GPR35: variants seen among roughly 807,000 people sequenced by gnomAD.
GPR35 encodes G protein-coupled receptor 35.
For synonymous variants in GPR35, 207 were observed against 198.4 expected, an observed-to-expected ratio of 1.04 and a Z score of -0.36; for missense variants, 372 against 422.5, an observed-to-expected ratio of 0.88 and a Z score of 1.05.
rs755464537 is a variant in GPR35, at chr2:240,630,822, C to T, written c.870C>T (p.Ala290=). The change falls in exon 2 of 2, where the codon GCC becomes GCT. Residue 290 remains alanine, a synonymous_variant. Coordinates refer to ENST00000407714, the MANE Select transcript of GPR35 (RefSeq NM_005301.5). ...AGTTCCAGGAGGCGTCTGCACTGGC[C>T]GTGGCTCCCAGTGCTAAGGCCCACA... ...AKEFQEASAL[A]VAPSAKAHKS... is the part of the protein sequence containing the mutation. 4.0e-5 allele frequency: 65 copies of T among 1,613,082 alleles called. No individual in the cohort carries two copies. The Middle Eastern group carries it at 8.2e-4, about 20-fold the overall frequency.
At chr2:240,621,938 T>C (rs535815271), upstream of GPR35, among the ~76,000 whole-genome samples, 1 of 152,318 alleles carries the variant, frequency 6.6e-6, no homozygotes, top group East Asian at 1.9e-4. Context: ...AGTAGCACGA[T>C]CTCAGCTCAT....
At chr2:240,629,830 G>A (rs2043418590) in intron 1 of GPR35, 119 bp from the exon 2 acceptor site, 3 of 804,552 alleles carry the variant, frequency 3.7e-6, no homozygotes, top group Non-Finnish European at 6.0e-6. Context: ...TGTGTTTGTG[G>A]GTGTGGGGTC....
chr2:240,618,968 C>G, exon 5 of GPR35: 1 of 702,824 alleles, frequency 1.4e-6, no homozygotes, highest in Non-Finnish European at 2.6e-6. Context: ...CGGGCTGTCC[C>G]CACTCCACAC....
upstream of GPR35, among the ~76,000 whole-genome samples, chr2:240,623,443 C>CAAACAGGTCGTGAGGGT (rs2043328968): frequency 5.8e-5 from 2 of 34,248 alleles, 1 homozygote; most frequent in Non-Finnish European, 1.4e-4. Flanking sequence ...GTCGTGAGGG[C>CAAACAGGTCGTGAGGGT]GCAAACAGGT....
upstream of GPR35, among the ~76,000 whole-genome samples, chr2:240,621,108 C>G (rs572416845): frequency 1.3e-5 from 2 of 152,340 alleles, no homozygotes; most frequent in Admixed American, 1.3e-4. Context: ...GGGTCCACAA[C>G]TGAGCCCCCA....
At chr2:240,619,953 G>C in intron 5 of GPR35, among the ~76,000 whole-genome samples, 1 of 152,210 alleles carries the variant, frequency 6.6e-6, no homozygotes, top group East Asian at 1.9e-4. Flanking sequence ...AGAAGGGAGG[G>C]CCCTAGGGAT....
chr2:240,610,995 T>C (rs1375694391), intron 2 of GPR35, among the ~76,000 whole-genome samples: 1 of 152,044 alleles, frequency 6.6e-6, no homozygotes, highest in Non-Finnish European at 1.5e-5. Flanking sequence ...TGCAGTGGCA[T>C]GAACTCTGCT....
At position 240,633,079 on chromosome 2, in the gene GPR35, T is replaced by G. The variant is rs2043466893; in HGVS notation, c.*2197T>G. Among the ~76,000 whole-genome samples the G allele has an allele frequency of 6.6e-6, 1 of 152,212 alleles. No individual in the cohort carries two copies. ...AAGGTTCCTTGCTTCCCCTTCACCT[T>G]CTGCCATGATTGTAAGTTTCCTGAG... On this transcript the variant is annotated 3_prime_UTR_variant, in exon 2 of 2. Transcript: ENST00000407714.
chr2:240,608,115 C>T (rs2043154561), intron 2 of GPR35, among the ~76,000 whole-genome samples: 1 of 152,166 alleles, frequency 6.6e-6, no homozygotes, highest in African/African-American at 2.4e-5. Flanking sequence ...TGGTCTTGAA[C>T]TCCTATCTTC....
rs1575472357 is a variant in GPR35 at position 240,633,142 on chromosome 2, C to T, written c.*2260C>T. On this transcript the variant is annotated 3_prime_UTR_variant, in exon 2 of 2. Coordinates refer to ENST00000407714, the MANE Select transcript of GPR35 (RefSeq NM_005301.5). The stretch of plus-strand genomic sequence containing the variant: ...ATGCTGAAGTGTGAGTCAATTAAAC[C>T]TCTTTCCTTTAAAATTACCCAGTCT... Among the ~76,000 whole-genome samples, 1 of 152,198 alleles carries T rather than the reference C, an allele frequency of 6.6e-6. No individual in the cohort carries two copies. The highest frequency in any genetic ancestry group is 2.1e-4 in the South Asian group (1 of 4,832).
At chr2:240,616,741 T>TAAAAA (rs767683322) in intron 3 of GPR35, among the ~76,000 whole-genome samples, 10 of 99,916 alleles carry the variant, frequency 1.0e-4, no homozygotes, top group African/African-American at 2.4e-4. Context: ...AACAATACAG[T>TAAAAA]AAAAAAAAAA....
In GPR35 at chr2:240,632,553, TC is replaced by T. The variant is rs1426734329; in HGVS notation, c.*1673del. ...CCAGGAGGGTCCATGCTGAGGTGGG[TC>T]CATGCCCAGGAGGGTTCATGTCCAG... On this transcript the variant is annotated 3_prime_UTR_variant, in exon 2 of 2. Transcript: ENST00000407714. 6.7e-6 allele frequency among the ~76,000 whole-genome samples: 1 copy of T among 149,426 alleles called. No homozygotes were observed. The highest frequency in any genetic ancestry group is 2.0e-4 in the East Asian group (1 of 4,998).
Position 240,632,114 on chromosome 2 carries a change from C to T in GPR35, c.*1232C>T, listed in dbSNP as rs562523839. 1.3e-4 allele frequency among the ~76,000 whole-genome samples: 12 copies of T among 89,212 alleles called. No individual in the cohort carries two copies. Among genetic ancestry groups the T allele is most frequent in the South Asian group, 6.8e-4 (1 of 1,478 alleles). 58.5% of individuals were successfully genotyped at this position (89,212 alleles called of 152,430 possible). On this transcript the variant is annotated 3_prime_UTR_variant, in exon 2 of 2. Transcript: ENST00000407714. ...GAGGGCCTCATTCCCAGGAGGGTCC[C>T]GTGCCCAGGAGGGCTCTATGCCCAA...
In GPR35 at chr2:240,616,512, G is replaced by T; in HGVS notation, c.-453+1G>T. The T allele has an allele frequency of 2.6e-6, 2 of 779,420 alleles. No individual in the cohort carries two copies. The highest frequency in any genetic ancestry group is 2.7e-5 in the South Asian group (2 of 74,410). The allele number at this position is 779,420 out of a possible 1,614,324, so 48.3% of individuals were successfully genotyped here. On this transcript the variant is annotated splice_donor_variant, in intron 3 of 5. Coordinates refer to the GPR35 transcript ENST00000319838. LOFTEE classifies it low-confidence loss of function (5UTR_SPLICE). Reference sequence around the variant, plus strand: ...AGCTCCGATACTTCACCAGATTCAGGTGAGAGTTTTGGTTTTTTGACAAGC... The same window carrying T: ...AGCTCCGATACTTCACCAGATTCAGTTGAGAGTTTTGGTTTTTTGACAAGC...
intron 3 of GPR35, chr2:240,616,913 G>T: frequency 2.6e-6 from 2 of 764,464 alleles, no homozygotes; most frequent in South Asian, 2.8e-5. Context: ...CTGAGGGCAG[G>T]AACCAGGGAA....
chr2:240,610,046 G>A (rs2043167871), intron 2 of GPR35, among the ~76,000 whole-genome samples: 1 of 150,880 alleles, frequency 6.6e-6, no homozygotes, highest in Non-Finnish European at 1.5e-5. Flanking sequence ...TGCAACCTCC[G>A]CCTCCTGGGT....
chr2:240,611,072 A>G (rs1371043148), intron 2 of GPR35, among the ~76,000 whole-genome samples: 9 of 152,106 alleles, frequency 5.9e-5, no homozygotes, highest in African/African-American at 2.2e-4. Context: ...AGCTGGGATT[A>G]CAGGTGCGTG....
rs766362917 is a variant in GPR35 at position 240,630,652 on chromosome 2, C to T, written c.700C>T (p.His234Tyr). Residue 234 changes from histidine (H) to tyrosine (Y), a missense_variant, in exon 2 of 2, where the codon CAC (histidine) becomes TAC (tyrosine). Transcript: ENST00000407714. ...LVFVVCFLPL[H>Y]VGLTVRLAVG... ...GTTCGTGGTCTGCTTCCTGCCCCTG[C>T]ACGTGGGGCTGACAGTGCGCCTCGC... is the stretch of plus-strand genomic sequence containing the variant. The T allele has an allele frequency of 1.2e-5, 19 of 1,613,040 alleles. No homozygotes were observed. The highest frequency in any genetic ancestry group is 2.5e-6 in the Non-Finnish European group (3 of 1,180,028).
chr2:240,614,432 G>T (rs1486851884), intron 2 of GPR35, among the ~76,000 whole-genome samples: 2 of 152,206 alleles, frequency 1.3e-5, no homozygotes, highest in African/African-American at 4.8e-5. Context: ...CACCATTCCA[G>T]TTCTCCCTTC....
Sources: gnomAD v4.1 joint callset for allele counts (sites outside exome capture counted in the v4.1 genomes callset) on GRCh38, gnomAD v4.1.1 for gene constraint, MANE v1.5 for transcripts, NCBI Gene and HGNC (gene_info 2026-07-23, HGNC 2026-07-21) for gene names.